MAL: variants seen among roughly 807,000 people sequenced by gnomAD.
MAL encodes the protein myelin and lymphocyte protein.
A neutral mutation model predicts 16.7 loss-of-function variants in MAL; 5 were observed. The ratio of observed to expected loss-of-function variants is 0.30; its 90% confidence interval spans 0.16 to 0.63. MAL has a LOEUF of 0.63. MAL is among the 30% of genes least tolerant of loss of function. MAL has a pLI of 0.82. For missense variants in MAL, 202 were observed against 195.8 expected (o/e 1.03, Z -0.19); for synonymous variants, 96 against 85.5 (o/e 1.12, Z -0.67).
At chr2:95,043,101 A>G (rs1674507874) in intron 1 of MAL, among the ~76,000 whole-genome samples, 1 of 152,206 alleles carries the variant, frequency 6.6e-6, no homozygotes, top group East Asian at 1.9e-4. Context: ...CAGCTGCTTC[A>G]GCATCCTCTG....
At chr2:95,026,579 C>T (rs1673945275) in intron 1 of MAL, 1 of 152,116 alleles carries the variant, frequency 6.6e-6, no homozygotes, top group African/African-American at 2.4e-5. Context: ...CCCGGGGCCT[C>T]TGCACCTGCG....
At chr2:95,050,112 T>C (rs1477848298) in intron 3 of MAL, among the ~76,000 whole-genome samples, 2 of 152,096 alleles carry the variant, frequency 1.3e-5, no homozygotes, top group Non-Finnish European at 2.9e-5. Context: ...TCACCAGTCA[T>C]TGTGGGACCT....
rs541572557 is a variant in MAL at position 95,031,393 on chromosome 2, AAC to A, written c.93+5513_93+5514del. On this transcript the variant is annotated intron_variant, in intron 1 of 3. Transcript: ENST00000309988. ...ACCTCCTCTGGGTCTCCTTGTCAAAAACACACCCTGCAGGTTCTGAGTCACGA... is the reference window on the plus strand; with the variant it reads ...ACCTCCTCTGGGTCTCCTTGTCAAAAACACCCTGCAGGTTCTGAGTCACGA... Among the ~76,000 whole-genome samples the A allele has an allele frequency of 3.4e-3, 519 of 152,274 alleles. 3 individuals carry two copies. The highest frequency in any genetic ancestry group is 6.1e-3 in the Non-Finnish European group (415 of 68,014).
intron 1 of MAL, among the ~76,000 whole-genome samples, chr2:95,036,667 GACTGAGTGACTA>G (rs1417990050): frequency 6.6e-6 from 1 of 152,256 alleles, no homozygotes; most frequent in Non-Finnish European, 1.5e-5. Flanking sequence ...GAGAGTGAGT[GACTGAGTGACTA>G]ACTGAGTGAC....
At chr2:95,048,187 C>A in intron 2 of MAL, 61 bp downstream of exon 2, 1 of 1,495,002 alleles carries the variant, frequency 6.7e-7, no homozygotes, top group East Asian at 2.3e-5. Context: ...TGGTCCCTGG[C>A]CCAGTAGGAT....
chr2:95,025,710 T>TG lies in MAL; in HGVS notation c.-80dup. The TG allele has an allele frequency of 2.1e-6, 2 of 951,352 alleles. No homozygotes were observed. The highest frequency in any genetic ancestry group is 2.9e-6 in the Non-Finnish European group (2 of 678,996). The allele number at this position is 951,352 out of a possible 1,614,324, so 58.9% of individuals were successfully genotyped here. Reference sequence around the variant, plus strand: ...CCGCGCGCGGGGGCGCCCAGGCCACTGGGCTCCGCGGAGCCAGCGAGAGGT... The same window carrying TG: ...CCGCGCGCGGGGGCGCCCAGGCCACTGGGGCTCCGCGGAGCCAGCGAGAGGT... On this transcript the variant is annotated 5_prime_UTR_variant, in exon 1 of 4. Transcript: ENST00000309988. This position sits in a 1 kb window ranked among gnomAD's most constrained non-coding sequence, Gnocchi z 5.6.
At chr2:95,042,565 G>A (rs1674495617) in intron 1 of MAL, among the ~76,000 whole-genome samples, 1 of 152,198 alleles carries the variant, frequency 6.6e-6, no homozygotes, top group Non-Finnish European at 1.5e-5. Context: ...CCCAACTGGA[G>A]ACCTTTGAGA....
intron 3 of MAL, among the ~76,000 whole-genome samples, chr2:95,050,123 G>A (rs568361862): frequency 4.6e-5 from 7 of 152,132 alleles, no homozygotes; most frequent in African/African-American, 1.2e-4. Context: ...TGTGGGACCT[G>A]GCATCAACGC....
intron 3 of MAL, 93 bp from the exon 4 acceptor site, chr2:95,053,288 C>G: frequency 1.2e-6 from 1 of 864,088 alleles, no homozygotes; most frequent in Non-Finnish European, 2.0e-6. Flanking sequence ...TGGGTCTGGC[C>G]CCCCCTACGC....
intron 1 of MAL, among the ~76,000 whole-genome samples, chr2:95,027,709 T>C (rs1421910571): frequency 6.6e-6 from 1 of 152,196 alleles, no homozygotes; most frequent in East Asian, 1.9e-4. Flanking sequence ...AGTTTTTGTT[T>C]TTGTTTTTGT....
chr2:95,036,825 C>G (rs1375585453), intron 1 of MAL, among the ~76,000 whole-genome samples: 16 of 116,474 alleles, frequency 1.4e-4, no homozygotes, highest in South Asian at 5.8e-4. Context: ...GACTTAGTGA[C>G]TGAGTGAGTG....
At chr2:95,038,034 G>GAGTGAGTGAGTGAGTGACTC (rs1558658414) in intron 1 of MAL, among the ~76,000 whole-genome samples, 2 of 150,588 alleles carry the variant, frequency 1.3e-5, no homozygotes, top group Non-Finnish European at 3.0e-5. Flanking sequence ...GTGAGTGACT[G>GAGTGAGTGAGTGAGTGACTC]AGTGAGTGAG....
At chr2:95,039,328 C>CTGAGTGAGTGAGTGAGTGAG (rs1170081356) in intron 1 of MAL, among the ~76,000 whole-genome samples, 2 of 83,260 alleles carry the variant, frequency 2.4e-5, no homozygotes, top group African/African-American at 9.7e-5. Flanking sequence ...GAGTGAGTGA[C>CTGAGTGAGTGAGTGAGTGAG]TGAGTGAGTG....
Position 95,053,370 on chromosome 2 carries a change from C to T in MAL, c.388-11C>T, listed in dbSNP as rs1203896047. On this transcript the variant is annotated splice_polypyrimidine_tract_variant and intron_variant, in intron 3 of 3. Coordinates refer to ENST00000309988, the MANE Select transcript of MAL (RefSeq NM_002371.4). Reference sequence around the variant, plus strand: ...CACAAACCCATTAACGGCCATTTCTCTTGGTTCCAGGTGTTCTCCTACATA... The same window carrying T: ...CACAAACCCATTAACGGCCATTTCTTTTGGTTCCAGGTGTTCTCCTACATA... The T allele has an allele frequency of 1.2e-6, 2 of 1,602,124 alleles. No homozygotes were observed. Among genetic ancestry groups the T allele is most frequent in the African/African-American group, 2.7e-5 (2 of 74,758 alleles).
chr2:95,038,460 CTGAG>C (rs1438703525), intron 1 of MAL, among the ~76,000 whole-genome samples: 3 of 69,870 alleles, frequency 4.3e-5, no homozygotes, highest in East Asian at 4.7e-4. Context: ...GAGTGAGTGA[CTGAG>C]TGGGTGAGTG....
In MAL at chr2:95,027,492, C is replaced by T. The variant is rs150773771; in HGVS notation, c.93+1607C>T. Among the ~76,000 whole-genome samples the T allele has an allele frequency of 1.1e-3, 169 of 152,300 alleles. 2 individuals are homozygous for T. The highest frequency in any genetic ancestry group is 3.9e-3 in the African/African-American group (160 of 41,554). On this transcript the variant is annotated intron_variant, in intron 1 of 3. Coordinates refer to ENST00000309988, the MANE Select transcript of MAL (RefSeq NM_002371.4). ...CCTCCCTTCCTCACTTCCCAGGAGA[C>T]CCGCAATGCATAGTCATCTCCAGGC...
At chr2:95,034,411 G>A (rs1420472140) in intron 1 of MAL, among the ~76,000 whole-genome samples, 1 of 152,216 alleles carries the variant, frequency 6.6e-6, no homozygotes, top group African/African-American at 2.4e-5. Context: ...CCAGCCTGGT[G>A]CCAAGATGGG....
intron 2 of MAL, among the ~76,000 whole-genome samples, chr2:95,048,406 T>C (rs1216270797): frequency 6.6e-6 from 1 of 152,128 alleles, no homozygotes; most frequent in Admixed American, 6.5e-5. Flanking sequence ...CCACACCACC[T>C]GTACCCGCCA....
At chr2:95,046,954 AAAGAAAGAAAGAAAG>A (rs1445596599) in intron 1 of MAL, among the ~76,000 whole-genome samples, 86 of 148,148 alleles carry the variant, frequency 5.8e-4, no homozygotes, top group Admixed American at 8.0e-4. Flanking sequence ...GAAAGAGAAA[AAAGAAAGAAAGAAAG>A]AAGAAAGAAA....
Sources: allele counts gnomAD v4.1 joint callset (sites outside exome capture counted in the v4.1 genomes callset), GRCh38; gene constraint gnomAD v4.1.1; non-coding constraint Gnocchi (gnomAD v3.1); transcripts MANE v1.5; gene names NCBI Gene and HGNC (gene_info 2026-07-23, HGNC 2026-07-21).